TRAPPC9: variants seen among roughly 807,000 people sequenced by gnomAD.
TRAPPC9 encodes trafficking protein particle complex subunit 9, also known as IKK2 binding protein.
A neutral mutation model predicts 124.0 loss-of-function variants in TRAPPC9; 83 were observed. The observed-to-expected ratio is 0.67, with a 90% CI of 0.56 to 0.80. The LOEUF (loss-of-function observed/expected upper bound fraction) is 0.80. Ranked by LOEUF, TRAPPC9 falls within the 30% of genes least tolerant of loss-of-function variation. TRAPPC9 has a pLI of 0.00. For synonymous variants in TRAPPC9, 638 were observed against 617.5 expected (o/e 1.03, Z -0.49); for missense variants, 1,302 against 1,508.3 (o/e 0.86, Z 2.27).
At chr8:139,880,899 A>G (rs976671137) in intron 21 of TRAPPC9, among the ~76,000 whole-genome samples, 2 of 152,214 alleles carry the variant, frequency 1.3e-5, no homozygotes, top group Non-Finnish European at 2.9e-5. Flanking sequence ...CTAAAAGCGC[A>G]CCGCTGAGCT....
intron 19 of TRAPPC9, among the ~76,000 whole-genome samples, chr8:139,973,339 C>T (rs1438793826): frequency 1.3e-5 from 2 of 152,182 alleles, no homozygotes; most frequent in African/African-American, 4.8e-5. Context: ...TTAGGCCTGC[C>T]GTCCCTGCAA....
chr8:140,062,071 C>CTGACCTGAGGAAAAAGGCA (rs1157652503), intron 17 of TRAPPC9, among the ~76,000 whole-genome samples: 44 of 152,346 alleles, frequency 2.9e-4, no homozygotes, highest in African/African-American at 1.0e-3. Context: ...CCCTGCAGTT[C>CTGACCTGAGGAAAAAGGCA]ACCCTTCTGA....
intron 17 of TRAPPC9, among the ~76,000 whole-genome samples, chr8:140,052,812 T>A (rs955892592): frequency 6.7e-6 from 1 of 149,758 alleles, no homozygotes; most frequent in East Asian, 1.9e-4. Context: ...TCAGGCATGG[T>A]GGCATACACC....
At chr8:140,161,219 G>A (rs555234928) in intron 17 of TRAPPC9, among the ~76,000 whole-genome samples, 28 of 152,034 alleles carry the variant, frequency 1.8e-4, no homozygotes, top group Admixed American at 5.2e-4. Flanking sequence ...CAGGTACCTC[G>A]CATACACACA....
chr8:140,220,728 T>C (rs753128256), intron 17 of TRAPPC9, among the ~76,000 whole-genome samples: 9 of 152,248 alleles, frequency 5.9e-5, no homozygotes, highest in African/African-American at 9.6e-5. Flanking sequence ...GCGATTCTGA[T>C]GTTCCTAACC....
chr8:140,053,816 T>C (rs1021912974), intron 17 of TRAPPC9, among the ~76,000 whole-genome samples: 2 of 152,244 alleles, frequency 1.3e-5, no homozygotes, highest in African/African-American at 2.4e-5. Flanking sequence ...GCCTTCTTTG[T>C]CTTATGGCAG....
rs187278875 is a variant in TRAPPC9, at chr8:139,879,711, G to A, written c.3055+6168C>T. 3.3e-4 allele frequency among the ~76,000 whole-genome samples: 51 copies of A among 152,312 alleles called. 2 individuals are homozygous for A. The highest frequency in any genetic ancestry group is 1.8e-3 in the Admixed American group (28 of 15,302). On this transcript the variant is annotated intron_variant, in intron 21 of 22. Coordinates refer to ENST00000438773, the MANE Select transcript of TRAPPC9 (RefSeq NM_001160372.4). ...CTCCTCTCCTAGCCTGGAGTTCCTC[G>A]AGGGAATGAAGAGAGAGAAGACAGA...
At chr8:139,772,389 G>T (rs993092446) in intron 21 of TRAPPC9, among the ~76,000 whole-genome samples, 1 of 152,188 alleles carries the variant, frequency 6.6e-6, no homozygotes, top group Non-Finnish European at 1.5e-5. Flanking sequence ...ATGAGGAGAT[G>T]GGGGCTGGGG....
chr8:140,224,648 A>G (rs2063405833), intron 16 of TRAPPC9, among the ~76,000 whole-genome samples: 1 of 152,214 alleles, frequency 6.6e-6, no homozygotes, highest in Non-Finnish European at 1.5e-5. Flanking sequence ...TTTTTCTACC[A>G]GAATTTATTC....
chr8:140,188,520 C>T (rs34194424), intron 17 of TRAPPC9, among the ~76,000 whole-genome samples: 51,311 of 151,850 alleles, frequency 0.34, 9,978 homozygotes, highest in South Asian at 0.49. Flanking sequence ...ATCTTTATCC[C>T]TACTGAATCT....
chr8:139,914,834 G>A (rs1233402615), intron 19 of TRAPPC9: 1 of 152,312 alleles, frequency 6.6e-6, no homozygotes, highest in East Asian at 1.9e-4. Context: ...CCCACCTGCA[G>A]GTGTGGTTTG....
At chr8:140,031,431 T>C (rs1029160398) in intron 17 of TRAPPC9, among the ~76,000 whole-genome samples, 3 of 152,248 alleles carry the variant, frequency 2.0e-5, no homozygotes, top group African/African-American at 4.8e-5. Flanking sequence ...ATCACCCTCA[T>C]ATGTATGCTA....
intron 17 of TRAPPC9, among the ~76,000 whole-genome samples, chr8:140,183,844 G>C (rs2062263759): frequency 8.7e-6 from 1 of 114,308 alleles, no homozygotes; most frequent in African/African-American, 3.3e-5. Flanking sequence ...GACAGAATGA[G>C]ACTTTGTCAA....
chr8:140,362,043 C>A (rs115941152), intron 8 of TRAPPC9, among the ~76,000 whole-genome samples: 1 of 152,168 alleles, frequency 6.6e-6, no homozygotes, highest in Non-Finnish European at 1.5e-5. Flanking sequence ...ACCAGTCCCT[C>A]TTCTGTATTT....
At chr8:140,370,128 GT>G (rs35915091) in intron 8 of TRAPPC9, among the ~76,000 whole-genome samples, 107,283 of 148,136 alleles carry the variant, frequency 0.72, 39,467 homozygotes, top group African/African-American at 0.88. Context: ...CCTCAAAAAT[GT>G]TTTTTTTTTT....
chr8:140,099,955 G>C (rs1400497881), intron 17 of TRAPPC9: 1 of 150,878 alleles, frequency 6.6e-6, no homozygotes, highest in Non-Finnish European at 1.5e-5. Flanking sequence ...TACCCAGCTA[G>C]GTCTCAGCGC....
At chr8:139,997,983 C>A (rs939635952) in intron 18 of TRAPPC9, among the ~76,000 whole-genome samples, 1 of 148,744 alleles carries the variant, frequency 6.7e-6, no homozygotes, top group Non-Finnish European at 1.5e-5. Flanking sequence ...GGAGACAATG[C>A]ATCCCACACA....
intron 9 of TRAPPC9, 22 bp downstream of exon 9, chr8:140,360,028 A>AT: frequency 6.2e-7 from 1 of 1,614,028 alleles, no homozygotes; most frequent in Non-Finnish European, 8.5e-7. Context: ...GAAAAAAAAC[A>AT]TTGTGGTTTG....
chr8:140,210,476 C>A (rs571625795), intron 17 of TRAPPC9, among the ~76,000 whole-genome samples: 10 of 152,228 alleles, frequency 6.6e-5, no homozygotes, highest in South Asian at 4.1e-4. Flanking sequence ...ACTTCCCCAT[C>A]CCCCCGTCTG....
Sources: allele counts gnomAD v4.1 joint callset (sites outside exome capture counted in the v4.1 genomes callset), GRCh38; gene constraint gnomAD v4.1.1; transcripts MANE v1.5; gene names NCBI Gene and HGNC (gene_info 2026-07-23, HGNC 2026-07-21).